The following UNC13C variants were observed in gnomAD, a reference collection of about 807,000 sequenced individuals.
UNC13C encodes the protein unc-13 homolog C, also known as protein unc-13 homolog C.
In UNC13C, 174 loss-of-function variants were observed where a neutral mutation model predicts 245.4. The observed-to-expected ratio is 0.71, with a 90% CI of 0.63 to 0.80. The LOEUF is 0.80. UNC13C is among the 30% of genes least tolerant of loss of function. The pLI, the probability that UNC13C is intolerant of heterozygous loss-of-function variation, is 0.00. For missense variants in UNC13C, 2,829 were observed against 2,602.9 expected, an observed-to-expected ratio of 1.09 and a Z score of -1.89; for synonymous variants, 992 against 895.1, an observed-to-expected ratio of 1.11 and a Z score of -1.93.
chr15:54,588,671 T>C (rs568666495), intron 30 of UNC13C, among the ~76,000 whole-genome samples: 1 of 152,274 alleles, frequency 6.6e-6, no homozygotes, highest in East Asian at 1.9e-4. Context: ...CCGAAGTCCA[T>C]TGTACATTCT....
chr15:54,009,393 C>G (rs1895280458), intron 1 of UNC13C, among the ~76,000 whole-genome samples: 1 of 152,134 alleles, frequency 6.6e-6, no homozygotes, highest in Non-Finnish European at 1.5e-5. Context: ...TTAATATTTA[C>G]TGGGCTTTGC....
chr15:54,546,093 G>A (rs1228754052), intron 26 of UNC13C, among the ~76,000 whole-genome samples: 1 of 152,116 alleles, frequency 6.6e-6, no homozygotes, highest in Non-Finnish European at 1.5e-5. Context: ...TGATAGACTG[G>A]ATAAAGAAAA....
rs146083296 is a variant in UNC13C, at chr15:54,020,964, T to G, written c.2983+5078T>G. Among the ~76,000 whole-genome samples the G allele has an allele frequency of 1.3e-3, 195 of 152,272 alleles. 1 individual carries two copies. Among genetic ancestry groups the G allele is most frequent in the African/African-American group, 4.5e-3 (189 of 41,552 alleles). Reference sequence around the variant, plus strand: ...AAAAATGCAGTGCATAACAATAACCTTTTGTCTAGTATTTTTTGCTTCTAA... The same window carrying G: ...AAAAATGCAGTGCATAACAATAACCGTTTGTCTAGTATTTTTTGCTTCTAA... On this transcript the variant is annotated intron_variant, in intron 2 of 32. Coordinates refer to ENST00000260323, the MANE Select transcript of UNC13C (RefSeq NM_001080534.3).
At chr15:54,529,153 T>C (rs1895621178) in intron 25 of UNC13C, among the ~76,000 whole-genome samples, 1 of 152,110 alleles carries the variant, frequency 6.6e-6, no homozygotes, top group Non-Finnish European at 1.5e-5. Context: ...GGGGCAAGAA[T>C]GGTGTTGTCA....
intron 19 of UNC13C, among the ~76,000 whole-genome samples, chr15:54,446,718 C>A (rs1242809535): frequency 1.3e-5 from 2 of 152,168 alleles, no homozygotes; most frequent in African/African-American, 4.8e-5. Flanking sequence ...TCTAGATATA[C>A]AATCATGTCA....
chr15:53,984,875 T>A (rs1894065794), intron 1 of UNC13C, among the ~76,000 whole-genome samples: 1 of 152,094 alleles, frequency 6.6e-6, no homozygotes, highest in Non-Finnish European at 1.5e-5. Context: ...GGACAGCCTA[T>A]TTCTGATTAA....
chr15:54,603,389 C>A (rs1420603152), intron 30 of UNC13C, among the ~76,000 whole-genome samples: 1 of 152,154 alleles, frequency 6.6e-6, no homozygotes, highest in Non-Finnish European at 1.5e-5. Flanking sequence ...GAAGAACACA[C>A]CCTGTATAGT....
chr15:54,328,126 C>T (rs189517597), intron 14 of UNC13C, among the ~76,000 whole-genome samples: 2 of 151,956 alleles, frequency 1.3e-5, no homozygotes, highest in African/African-American at 2.4e-5. Context: ...TCCTGTGAAG[C>T]GACTCTTTAA....
chr15:54,023,003 T>C (rs1005424033), intron 2 of UNC13C, among the ~76,000 whole-genome samples: 1 of 152,178 alleles, frequency 6.6e-6, no homozygotes, highest in Non-Finnish European at 1.5e-5. Flanking sequence ...TATAAGGAGA[T>C]TAGTCCCAAC....
chr15:54,613,413 A>T (rs1490461477), intron 30 of UNC13C, among the ~76,000 whole-genome samples: 1 of 151,962 alleles, frequency 6.6e-6, no homozygotes, highest in Non-Finnish European at 1.5e-5. Flanking sequence ...CATGAATGGT[A>T]TACTATACAG....
chr15:53,887,808 G>GTTTTCTATT, the UNC13C span, among the ~76,000 whole-genome samples: 1 of 152,050 alleles, frequency 6.6e-6, no homozygotes, highest in African/African-American at 2.4e-5. Flanking sequence ...GTGGTGTTTG[G>GTTTTCTATT]TTTTCTATTC....
At chr15:54,078,487 T>C (rs1898755840) in intron 2 of UNC13C, among the ~76,000 whole-genome samples, 1 of 152,156 alleles carries the variant, frequency 6.6e-6, no homozygotes, top group African/African-American at 2.4e-5. Context: ...CTCTGCCTCT[T>C]TGCCAACAAT....
chr15:54,446,508 A>C (rs375183387), intron 19 of UNC13C, among the ~76,000 whole-genome samples: 9 of 152,168 alleles, frequency 5.9e-5, no homozygotes, highest in African/African-American at 1.9e-4. Flanking sequence ...GAGGTCCTTC[A>C]CATCCCTTGT....
At chr15:54,525,229 C>T (rs148215084) in intron 24 of UNC13C, among the ~76,000 whole-genome samples, 103 of 152,134 alleles carry the variant, frequency 6.8e-4, no homozygotes, top group African/African-American at 2.1e-3. Context: ...TTCTAAATTA[C>T]GGAATTATCA....
chr15:54,631,915 C>T (rs1482680516), downstream of UNC13C: 1 of 152,130 alleles, frequency 6.6e-6, no homozygotes, highest in East Asian at 1.9e-4. Flanking sequence ...AACTTTCAAA[C>T]TTTTTTGAAA....
chr15:54,080,594 A>G (rs570727741), intron 2 of UNC13C, among the ~76,000 whole-genome samples: 53 of 151,872 alleles, frequency 3.5e-4, no homozygotes, highest in African/African-American at 1.3e-3. Context: ...CTTGGTTTCT[A>G]TTTTGTACAC....
At chr15:53,918,484 C>T in the UNC13C span, among the ~76,000 whole-genome samples, 4 of 152,192 alleles carry the variant, frequency 2.6e-5, no homozygotes, top group South Asian at 8.3e-4. Context: ...TACAAAGTCT[C>T]CCACTCCCTC....
intron 4 of UNC13C, among the ~76,000 whole-genome samples, chr15:54,230,278 C>T (rs1273371750): frequency 6.6e-6 from 1 of 152,050 alleles, no homozygotes; most frequent in Non-Finnish European, 1.5e-5. Flanking sequence ...TTCATGATAA[C>T]TCTTGTATCA....
intron 27 of UNC13C, among the ~76,000 whole-genome samples, chr15:54,548,252 CG>C (rs1438355434): frequency 9.1e-6 from 1 of 110,140 alleles, no homozygotes; most frequent in Non-Finnish European, 1.7e-5. Flanking sequence ...GACAGAATCT[CG>C]CTCTTTCGCC....
Sources: allele counts gnomAD v4.1 joint callset (sites outside exome capture counted in the v4.1 genomes callset), GRCh38; gene constraint gnomAD v4.1.1; transcripts MANE v1.5; gene names NCBI Gene and HGNC (gene_info 2026-07-23, HGNC 2026-07-21).